DNAH12: variants seen among roughly 807,000 people sequenced by gnomAD.
DNAH12 encodes the protein axonemal beta dynein heavy chain 12.
A neutral mutation model predicts 371.5 loss-of-function variants in DNAH12; 285 were observed. That is an observed-to-expected ratio of 0.77 (90% CI 0.70 to 0.85). The LOEUF is 0.85. DNAH12 is among the 40% of genes least tolerant of loss of function. The pLI is 0.00. For missense variants in DNAH12, 3,611 were observed against 3,689.4 expected (o/e 0.98, Z 0.55); for synonymous variants, 1,200 against 1,213.0 (o/e 0.99, Z 0.22).
intron 69 of DNAH12, among the ~76,000 whole-genome samples, chr3:57,302,533 A>T (rs1433853466): frequency 1.2e-3 from 30 of 24,142 alleles, no homozygotes; most frequent in Non-Finnish European, 1.4e-3. Flanking sequence ...TCAGGTGTAT[A>T]TATATATATA....
intron 13 of DNAH12, among the ~76,000 whole-genome samples, chr3:57,483,051 C>A (rs1317771654): frequency 1.3e-5 from 2 of 150,078 alleles, no homozygotes; most frequent in Admixed American, 6.7e-5. Context: ...TGCACATGTA[C>A]CCTAAAACTT....
chr3:57,528,593 G>C (rs62260466), intron 2 of DNAH12, among the ~76,000 whole-genome samples: 148,180 of 148,190 alleles, frequency 1, 74,085 homozygotes, highest in Middle Eastern at 1. Context: ...GGTGTGATGG[G>C]GCATGCCTGT....
chr3:57,328,098 C>G (rs1361440412), intron 62 of DNAH12, among the ~76,000 whole-genome samples: 1 of 148,392 alleles, frequency 6.7e-6, no homozygotes, highest in East Asian at 2.0e-4. Flanking sequence ...GAGTCCAGGA[C>G]CAGATGGATT....
At chr3:57,396,108 A>G (rs1259156851) in intron 43 of DNAH12, among the ~76,000 whole-genome samples, 1 of 151,614 alleles carries the variant, frequency 6.6e-6, no homozygotes, top group Non-Finnish European at 1.5e-5. Context: ...GAGAAACCCT[A>G]TCTCTACGAA....
chr3:57,445,177 T>A lies in DNAH12; in HGVS notation c.4422A>T (p.Ile1474=). ...KLKYPNENED[I]LLLRSIKDVN... Reference sequence around the variant, plus strand: ...AATGTGTATATTTAATACTTACAAGTATATCTTCATTTTCATTTGGGTATT... The same window carrying A: ...AATGTGTATATTTAATACTTACAAGAATATCTTCATTTTCATTTGGGTATT... Residue 1474 remains isoleucine, a synonymous_variant, in exon 28 of 74, where the codon ATA becomes ATT. Transcript: ENST00000495027. 6.5e-7 allele frequency: 1 copy of A among 1,539,710 alleles called. No individual in the cohort carries two copies. Among genetic ancestry groups the A allele is most frequent in the Non-Finnish European group, 8.8e-7 (1 of 1,139,888 alleles).
At chr3:57,449,662 G>A (rs575517543) in intron 25 of DNAH12, among the ~76,000 whole-genome samples, 22 of 152,264 alleles carry the variant, frequency 1.4e-4, no homozygotes, top group Admixed American at 7.8e-4. Context: ...CCAAGCCCAC[G>A]CCCACCTGTA....
At chr3:57,520,949 T>A (rs2068407163) in intron 4 of DNAH12, among the ~76,000 whole-genome samples, 1 of 151,204 alleles carries the variant, frequency 6.6e-6, no homozygotes, top group Admixed American at 6.6e-5. Context: ...TTTTAAAAAA[T>A]TTTCTGCAGG....
At chr3:57,451,798 G>T (rs1269921334) in intron 25 of DNAH12, among the ~76,000 whole-genome samples, 1 of 152,062 alleles carries the variant, frequency 6.6e-6, no homozygotes, top group South Asian at 2.1e-4. Flanking sequence ...GTAATAATTG[G>T]TCACAGCTGG....
intron 70 of DNAH12, chr3:57,297,339 G>A (rs1381835861): frequency 4.8e-6 from 1 of 210,196 alleles, no homozygotes; most frequent in African/African-American, 2.3e-5. Flanking sequence ...CTCATTTGTT[G>A]ATTCCAGTTC....
chr3:57,334,554 G>A lies in DNAH12; in HGVS notation c.9889C>T (p.Pro3297Ser), dbSNP rs1198665982. 1.3e-6 allele frequency: 2 copies of A among 1,550,468 alleles called. No homozygotes were observed. The highest frequency in any genetic ancestry group is 1.7e-6 in the Non-Finnish European group (2 of 1,146,816). The change falls in exon 62 of 74, where the codon CCA (proline) becomes TCA (serine). Residue 3297 changes from proline (P) to serine (S), a missense_variant. Pro to Ser is a moderately conservative substitution (Grantham distance 74, BLOSUM62 -1). This residue lies in a region of DNAH12 where 2,266 missense variants were observed against 2,236.9 expected (regional missense o/e 1.01). Transcript: ENST00000495027. ...GGTGCTGGAAATTTAGCATTATGTGGCTCTTTACTGTCATAGATTTCTCGC... is the reference window on the plus strand; with the variant it reads ...GGTGCTGGAAATTTAGCATTATGTGACTCTTTACTGTCATAGATTTCTCGC... ...EWREIYDSKE[P>S]HNAKFPAPMD... is the part of the protein sequence containing the mutation.
chr3:57,406,061 TG>T, intron 40 of DNAH12, 109 bp from the exon 41 acceptor site: 1 of 1,225,054 alleles, frequency 8.2e-7, no homozygotes, highest in Non-Finnish European at 1.1e-6. Flanking sequence ...TCAGATTATA[TG>T]GGCTTGGGCT....
At chr3:57,479,910 C>T (rs13087015) in intron 13 of DNAH12, among the ~76,000 whole-genome samples, 66,602 of 151,958 alleles carry the variant, frequency 0.44, 15,797 homozygotes, top group South Asian at 0.58. Flanking sequence ...CTCTGGGATA[C>T]AGTCAAAGCA....
chr3:57,442,935 T>C (rs527704267), intron 29 of DNAH12, among the ~76,000 whole-genome samples: 22 of 152,308 alleles, frequency 1.4e-4, no homozygotes, highest in East Asian at 7.7e-4. Context: ...CATGGAAGAA[T>C]TGAATCATCA....
intron 24 of DNAH12, 46 bp from the exon 25 acceptor site, chr3:57,453,061 AT>A (rs2065801722): frequency 1.3e-6 from 2 of 1,501,522 alleles, no homozygotes; most frequent in South Asian, 2.7e-5. Context: ...TTAAATGGAA[AT>A]AATTTTAAAA....
intron 38 of DNAH12, among the ~76,000 whole-genome samples, chr3:57,414,580 CTTCT>C (rs1158869735): frequency 2.0e-5 from 3 of 152,136 alleles, no homozygotes; most frequent in African/African-American, 2.4e-5. Context: ...CTGTTGTTCC[CTTCT>C]TTGTGTCCAT....
chr3:57,381,308 T>C, intron 50 of DNAH12, among the ~76,000 whole-genome samples: 1 of 151,816 alleles, frequency 6.6e-6, no homozygotes, highest in South Asian at 2.1e-4. Context: ...ATTTTCTTTA[T>C]TATCTCAATG....
chr3:57,309,902 A>G, intron 67 of DNAH12, 48 bp from the exon 68 acceptor site: 1 of 1,496,190 alleles, frequency 6.7e-7, no homozygotes. Flanking sequence ...CTGGATACTG[A>G]AAGGGATGAT....
chr3:57,342,651 CAAAAAAA>C (rs71088061), intron 60 of DNAH12, among the ~76,000 whole-genome samples: 2 of 35,090 alleles, frequency 5.7e-5, no homozygotes, highest in Admixed American at 4.7e-4. Context: ...GACTGAGACT[CAAAAAAA>C]AAAAAAAAAA....
At chr3:57,314,459 A>C in intron 66 of DNAH12, 35 bp downstream of exon 66, 1 of 1,550,122 alleles carries the variant, frequency 6.5e-7, no homozygotes, top group Non-Finnish European at 8.7e-7. Flanking sequence ...ATAAATAGTG[A>C]TCCTTCATGA....
Sources: allele counts gnomAD v4.1 joint callset (sites outside exome capture counted in the v4.1 genomes callset), GRCh38; gene constraint gnomAD v4.1.1; regional missense constraint gnomAD v4.1.1; transcripts MANE v1.5; gene names NCBI Gene and HGNC (gene_info 2026-07-23, HGNC 2026-07-21).